PAM: variants seen among roughly 807,000 people sequenced by gnomAD.
PAM encodes the protein peptidylglycine alpha-amidating monooxygenase.
In PAM, 72 loss-of-function variants were observed where a neutral mutation model predicts 122.1. That is an observed-to-expected ratio of 0.59 (90% CI 0.49 to 0.72). The LOEUF (loss-of-function observed/expected upper bound fraction) is 0.72, where lower values mean the gene tolerates loss of function less well. Among genes scored for constraint, PAM ranks in the 30% least tolerant of loss-of-function variants. The pLI is 0.00. For missense variants in PAM, 1,106 were observed against 1,183.7 expected (o/e 0.93, Z 0.96); for synonymous variants, 389 against 404.4 (o/e 0.96, Z 0.46).
At chr5:102,872,833 T>A (rs1171070603) in intron 3 of PAM, among the ~76,000 whole-genome samples, 5 of 152,232 alleles carry the variant, frequency 3.3e-5, no homozygotes, top group Non-Finnish European at 7.3e-5. Context: ...ATATATTTTT[T>A]AATTCCATCA....
intron 1 of PAM, among the ~76,000 whole-genome samples, chr5:102,820,313 A>G (rs1426385149): frequency 3.9e-5 from 6 of 152,200 alleles, no homozygotes; most frequent in African/African-American, 1.2e-4. Flanking sequence ...GCTACTCACA[A>G]ATGGAACTAC....
At chr5:102,921,022 A>G (rs1490917326) in intron 5 of PAM, among the ~76,000 whole-genome samples, 1 of 152,146 alleles carries the variant, frequency 6.6e-6, no homozygotes, top group African/African-American at 2.4e-5. Context: ...TTAGACGTGA[A>G]AAAGGTTCTA....
rs539557720 is a variant in PAM at position 103,009,924 on chromosome 5, T to A, written c.2331+58T>A. 3 of 860,412 alleles carry A rather than the reference T, an allele frequency of 3.5e-6. No individual in the cohort carries two copies. In the East Asian group the frequency reaches 8.1e-5, roughly 23 times the overall value. The allele number at this position is 860,412 out of a possible 1,614,324, so 53.3% of individuals were successfully genotyped here. On this transcript the variant is annotated intron_variant, in intron 21 of 25. Transcript: ENST00000438793. Reference sequence around the variant, plus strand: ...CATGAGAAGAAGACTAAAATATAAATCTTGGCATTCAATCTGTACTTGAAT... The same window carrying A: ...CATGAGAAGAAGACTAAAATATAAAACTTGGCATTCAATCTGTACTTGAAT...
intron 1 of PAM, among the ~76,000 whole-genome samples, chr5:102,810,896 C>T (rs1767726436): frequency 6.6e-6 from 1 of 152,078 alleles, no homozygotes; most frequent in Non-Finnish European, 1.5e-5. Flanking sequence ...CTGTGGGGAA[C>T]ATGGACTTGG....
chr5:102,804,934 C>T (rs191370384), intron 1 of PAM, among the ~76,000 whole-genome samples: 1 of 152,112 alleles, frequency 6.6e-6, no homozygotes, highest in East Asian at 1.9e-4. Flanking sequence ...GGGTCTTGCT[C>T]AACTCTAAAC....
intron 1 of PAM, chr5:102,838,250 A>T (rs1018479021): frequency 4.6e-5 from 7 of 151,960 alleles, no homozygotes; most frequent in African/African-American, 9.7e-5. Flanking sequence ...TGATTTCATC[A>T]TTTTTAATAA....
At chr5:102,899,507 A>G (rs1329317210) in intron 3 of PAM, among the ~76,000 whole-genome samples, 2 of 151,720 alleles carry the variant, frequency 1.3e-5, no homozygotes, top group Non-Finnish European at 3.0e-5. Flanking sequence ...CCTTTTCATC[A>G]TAACCTTTTG....
At chr5:102,755,195 C>G (rs1039652942), upstream of PAM, 2 of 152,482 alleles carry the variant, frequency 1.3e-5, no homozygotes, top group African/African-American at 4.8e-5. Flanking sequence ...GGGCCCGGCG[C>G]ACGCCGAGGA....
intron 3 of PAM, among the ~76,000 whole-genome samples, chr5:102,876,773 A>G (rs1789348482): frequency 6.6e-6 from 1 of 152,248 alleles, no homozygotes; most frequent in Admixed American, 6.5e-5. Context: ...TACTGAAGCT[A>G]TGATTCCATC....
chr5:102,987,701 G>A (rs535529198), intron 15 of PAM: 16 of 344,454 alleles, frequency 4.6e-5, no homozygotes, highest in Middle Eastern at 4.5e-4. Context: ...CCCAATTGCC[G>A]GTAGCAGCCA....
At chr5:102,992,302 C>G (rs1458283503) in intron 16 of PAM, among the ~76,000 whole-genome samples, 1 of 152,118 alleles carries the variant, frequency 6.6e-6, no homozygotes, top group African/African-American at 2.4e-5. Flanking sequence ...CACTAAATCT[C>G]TGTTTCCTTG....
chr5:102,796,158 A>AT (rs1167821525), intron 1 of PAM, among the ~76,000 whole-genome samples: 1 of 152,138 alleles, frequency 6.6e-6, no homozygotes, highest in East Asian at 1.9e-4. Flanking sequence ...ACAAGTTTTT[A>AT]TTTGTTCAAG....
At chr5:102,779,914 T>TACACACAC (rs1459772603) in intron 1 of PAM, among the ~76,000 whole-genome samples, 2 of 65,470 alleles carry the variant, frequency 3.1e-5, no homozygotes, top group African/African-American at 1.3e-4. Flanking sequence ...TATATATATA[T>TACACACAC]ATATACACAC....
At chr5:102,767,679 C>A (rs1366786886) in intron 1 of PAM, among the ~76,000 whole-genome samples, 1 of 152,110 alleles carries the variant, frequency 6.6e-6, no homozygotes. Flanking sequence ...TAGCTAGATT[C>A]TTAATTGCTG....
intron 1 of PAM, among the ~76,000 whole-genome samples, chr5:102,764,837 C>G (rs978993734): frequency 1.3e-5 from 2 of 152,240 alleles, no homozygotes; most frequent in Middle Eastern, 3.2e-3. Context: ...ATCCCTTCAT[C>G]AGCCCAGCTA....
At chr5:102,801,818 G>A (rs948804934) in intron 1 of PAM, among the ~76,000 whole-genome samples, 1 of 121,786 alleles carries the variant, frequency 8.2e-6, no homozygotes, top group South Asian at 2.6e-4. Context: ...TCGCTCTGTC[G>A]CCCAGGCTGG....
Position 103,029,080 on chromosome 5 carries a change from T to C in PAM, c.*15T>C. On this transcript the variant is annotated 3_prime_UTR_variant, in exon 26 of 26. Transcript: ENST00000438793. ...CCTCCTCCTGAAAACCAAGCTTTGA[T>C]TTAGATTGAGTAAGATTTACCCAGA... 6.3e-7 allele frequency: 1 copy of C among 1,594,932 alleles called. No homozygotes were observed. Among genetic ancestry groups the C allele is most frequent in the Non-Finnish European group, 8.5e-7 (1 of 1,171,502 alleles).
intron 4 of PAM, among the ~76,000 whole-genome samples, chr5:102,905,619 G>C (rs1799299776): frequency 6.6e-6 from 1 of 151,590 alleles, no homozygotes; most frequent in East Asian, 2.0e-4. Flanking sequence ...TAAAGACCGA[G>C]GTCTGGGCAG....
At chr5:102,891,307 G>A (rs780408773) in intron 3 of PAM, among the ~76,000 whole-genome samples, 2 of 151,880 alleles carry the variant, frequency 1.3e-5, no homozygotes, top group African/African-American at 2.4e-5. Flanking sequence ...GCCTAATACT[G>A]AAGTAGAAAT....
Sources: gnomAD v4.1 joint callset for allele counts (sites outside exome capture counted in the v4.1 genomes callset) on GRCh38, gnomAD v4.1.1 for gene constraint, MANE v1.5 for transcripts, NCBI Gene and HGNC (gene_info 2026-07-23, HGNC 2026-07-21) for gene names.